Variants in TOX observed in about 807,000 individuals in gnomAD.
The protein encoded by TOX is thymocyte selection-associated high mobility group box protein TOX.
In TOX, 11 loss-of-function variants were observed where a neutral mutation model predicts 53.7. The observed-to-expected ratio is 0.20, with a 90% CI of 0.13 to 0.34. The LOEUF is 0.34. Among genes scored for constraint, TOX ranks in the 10% least tolerant of loss-of-function variants. TOX has a pLI of 1.00. For synonymous variants in TOX, 225 were observed against 245.3 expected, an observed-to-expected ratio of 0.92 and a Z score of 0.77; for missense variants, 570 against 664.6, an observed-to-expected ratio of 0.86 and a Z score of 1.56.
chr8:59,027,150 T>G (rs946133791), intron 1 of TOX, among the ~76,000 whole-genome samples: 3 of 152,212 alleles, frequency 2.0e-5, no homozygotes, highest in Admixed American at 6.5e-5. Context: ...TTCTGGTTTC[T>G]GGTTTAATGC....
chr8:59,109,154 G>T (rs1376501450), intron 1 of TOX, among the ~76,000 whole-genome samples: 1 of 151,994 alleles, frequency 6.6e-6, no homozygotes. Flanking sequence ...TTGAAAAGTT[G>T]TTTTTCTTCT....
At chr8:58,933,874 C>G (rs1812301231) in intron 3 of TOX, among the ~76,000 whole-genome samples, 1 of 152,192 alleles carries the variant, frequency 6.6e-6, no homozygotes, top group South Asian at 2.1e-4. Flanking sequence ...CCACTCCCAA[C>G]AAGCTCAGTG....
chr8:59,084,085 GT>G (rs1230796287), intron 1 of TOX, among the ~76,000 whole-genome samples: 1 of 151,982 alleles, frequency 6.6e-6, no homozygotes, highest in Non-Finnish European at 1.5e-5. Flanking sequence ...TTACCCATAG[GT>G]TTAAGTACCT....
chr8:58,815,435 T>C lies in TOX; in HGVS notation c.1295A>G (p.Asn432Ser), dbSNP rs773977380. Residue 432 changes from asparagine (N) to serine (S), a missense_variant, in exon 7 of 9, where the codon AAC (asparagine) becomes AGC (serine). Coordinates refer to ENST00000361421, the MANE Select transcript of TOX (RefSeq NM_014729.3). Reference protein sequence around the residue: ...QISPPLHQHLNMQQHQPLTMQ... With the variant: ...QISPPLHQHLSMQQHQPLTMQ... ...GGTGAGCGGCTGGTGCTGCTGCATG[T>C]TGAGATGCTGGTGAAGAGGCGGGCT... The C allele has an allele frequency of 6.6e-5, 107 of 1,613,842 alleles. No homozygotes were observed. Among genetic ancestry groups the C allele is most frequent in the Non-Finnish European group, 8.5e-5 (100 of 1,179,972 alleles).
intron 6 of TOX, 48 bp from the exon 7 acceptor site, chr8:58,815,772 T>C (rs1311540408): frequency 1.9e-6 from 3 of 1,550,444 alleles, no homozygotes; most frequent in Admixed American, 1.9e-5. Flanking sequence ...TACATGAGTG[T>C]TGATTCAAGG....
chr8:59,099,807 A>G (rs991038310), intron 1 of TOX, among the ~76,000 whole-genome samples: 11 of 152,222 alleles, frequency 7.2e-5, no homozygotes, highest in South Asian at 6.2e-4. Flanking sequence ...AATGATAAAG[A>G]AAAAATACAT....
chr8:59,044,702 G>A (rs114480800), intron 1 of TOX, among the ~76,000 whole-genome samples: 3,320 of 152,046 alleles, frequency 0.022, 83 homozygotes, highest in South Asian at 0.088. Flanking sequence ...CTCCACCAAG[G>A]CTCTTTCAAA....
Position 58,905,105 on chromosome 8 carries a change from G to C in TOX, c.411+34197C>G, listed in dbSNP as rs565350741. Among the ~76,000 whole-genome samples the C allele has an allele frequency of 3.3e-5, 5 of 152,190 alleles. No homozygotes were observed. In the East Asian group the frequency reaches 9.7e-4, roughly 30 times the overall value. On this transcript the variant is annotated intron_variant, in intron 3 of 8. Coordinates refer to ENST00000361421, the MANE Select transcript of TOX (RefSeq NM_014729.3). ...GCGCCACCACGCCCAGCTAATTTTGGTATTTTTAGTAGAGACGGGGTTTTA... is the reference window on the plus strand; with the variant it reads ...GCGCCACCACGCCCAGCTAATTTTGCTATTTTTAGTAGAGACGGGGTTTTA...
chr8:58,832,624 C>G (rs542467415), intron 5 of TOX, among the ~76,000 whole-genome samples: 1 of 152,284 alleles, frequency 6.6e-6, no homozygotes, highest in African/African-American at 2.4e-5. Context: ...AAGTATAATT[C>G]TGGCTCTTCA....
chr8:59,015,605 TAAAAA>T (rs990819236), intron 1 of TOX, among the ~76,000 whole-genome samples: 20 of 152,174 alleles, frequency 1.3e-4, no homozygotes, highest in African/African-American at 4.1e-4. Context: ...ATTTATTACT[TAAAAA>T]AGAAATGATT....
intron 1 of TOX, among the ~76,000 whole-genome samples, chr8:58,977,733 G>A (rs1203959234): frequency 6.6e-6 from 1 of 152,106 alleles, no homozygotes; most frequent in African/African-American, 2.4e-5. Flanking sequence ...AGGAGAGGGG[G>A]AAAAATAGGA....
chr8:58,938,757 A>G (rs889010941), intron 3 of TOX, among the ~76,000 whole-genome samples: 9 of 152,248 alleles, frequency 5.9e-5, no homozygotes, highest in Non-Finnish European at 1.2e-4. Flanking sequence ...ATAAATTGTT[A>G]GACAACAGGT....
chr8:59,000,746 A>G (rs1313879458), intron 1 of TOX, among the ~76,000 whole-genome samples: 1 of 152,220 alleles, frequency 6.6e-6, no homozygotes, highest in Non-Finnish European at 1.5e-5. Flanking sequence ...CTATTTGTAC[A>G]GCAATACTAT....
intron 1 of TOX, among the ~76,000 whole-genome samples, chr8:59,109,380 G>T (rs1490614109): frequency 1.3e-5 from 2 of 152,104 alleles, no homozygotes; most frequent in African/African-American, 4.8e-5. Context: ...CACACAAGTA[G>T]CTTGGAGTGG....
At chr8:58,961,237 T>C (rs904639223) in intron 1 of TOX, among the ~76,000 whole-genome samples, 1 of 152,058 alleles carries the variant, frequency 6.6e-6, no homozygotes, top group Admixed American at 6.6e-5. Context: ...AAAATTCACG[T>C]CAACATAAGC....
At chr8:58,922,967 G>A (rs747023086) in intron 3 of TOX, among the ~76,000 whole-genome samples, 7 of 152,136 alleles carry the variant, frequency 4.6e-5, no homozygotes, top group Non-Finnish European at 7.3e-5. Context: ...ATGGCTAAGC[G>A]CAAAGGTCAT....
intron 5 of TOX, among the ~76,000 whole-genome samples, chr8:58,835,634 C>A (rs1810532674): frequency 1.3e-5 from 2 of 152,162 alleles, no homozygotes; most frequent in Admixed American, 1.3e-4. Context: ...GAACATTATT[C>A]TTTTCCATCA....
intron 4 of TOX, among the ~76,000 whole-genome samples, chr8:58,842,978 C>A (rs1810669653): frequency 6.6e-6 from 1 of 152,194 alleles, no homozygotes; most frequent in South Asian, 2.1e-4. Flanking sequence ...TTTCAAGGCT[C>A]AGGAGACATC....
chr8:58,862,487 A>G (rs1470521996), intron 3 of TOX, among the ~76,000 whole-genome samples: 1 of 152,194 alleles, frequency 6.6e-6, no homozygotes, highest in Non-Finnish European at 1.5e-5. Flanking sequence ...TCATGCTAAT[A>G]TAATGATCCT....
Sources: gnomAD v4.1 joint callset for allele counts (sites outside exome capture counted in the v4.1 genomes callset) on GRCh38, gnomAD v4.1.1 for gene constraint, MANE v1.5 for transcripts, NCBI Gene and HGNC (gene_info 2026-07-23, HGNC 2026-07-21) for gene names.